FHIT: variants seen among roughly 807,000 people sequenced by gnomAD.
FHIT encodes bis(5'-adenosyl)-triphosphatase.
Under a neutral mutation model 17.9 loss-of-function variants are expected in FHIT, and 19 were observed. The ratio of observed to expected loss-of-function variants is 1.06; its 90% confidence interval spans 0.74 to 1.56. The LOEUF (loss-of-function observed/expected upper bound fraction) is 1.56, where lower values mean the gene tolerates loss of function less well. FHIT is among the 40% of genes most tolerant of loss of function. The pLI is 0.00. For synonymous variants in FHIT, 81 were observed against 69.7 expected (o/e 1.16, Z -0.81); for missense variants, 248 against 189.2 (o/e 1.31, Z -1.82).
intron 5 of FHIT, among the ~76,000 whole-genome samples, chr3:60,101,765 A>T (rs553418747): frequency 6.6e-6 from 1 of 152,296 alleles, no homozygotes; most frequent in South Asian, 2.1e-4. Flanking sequence ...ATCACATTCC[A>T]AGGTCTGTCA....
intron 8 of FHIT, among the ~76,000 whole-genome samples, chr3:59,869,708 C>T (rs149076105): frequency 0.012 from 1,858 of 151,136 alleles, 20 homozygotes; most frequent in Non-Finnish European, 0.017. Context: ...CCAGGATGGG[C>T]TCCTCCTGAC....
chr3:60,892,938 T>C (rs73097803), intron 3 of FHIT, among the ~76,000 whole-genome samples: 23,204 of 152,222 alleles, frequency 0.15, 2,326 homozygotes, highest in Middle Eastern at 0.25. Context: ...AATGTCTACT[T>C]TTATATTTAT....
chr3:59,929,349 G>A (rs565212852), intron 7 of FHIT, among the ~76,000 whole-genome samples: 36 of 138,494 alleles, frequency 2.6e-4, no homozygotes, highest in African/African-American at 7.5e-4. Context: ...AAATCTTCAC[G>A]TATTGTTTTT....
intron 5 of FHIT, among the ~76,000 whole-genome samples, chr3:60,167,238 T>C (rs1214987984): frequency 6.6e-6 from 1 of 152,218 alleles, no homozygotes; most frequent in Non-Finnish European, 1.5e-5. Flanking sequence ...TCACCATCAC[T>C]TTAAGCCTCA....
At chr3:60,063,735 G>C (rs1200991916) in intron 5 of FHIT, among the ~76,000 whole-genome samples, 2 of 152,170 alleles carry the variant, frequency 1.3e-5, no homozygotes, top group Non-Finnish European at 2.9e-5. Context: ...CTAAGAATTT[G>C]CCCTACAGAT....
At chr3:60,571,591 TGAA>T (rs1233833747) in intron 4 of FHIT, among the ~76,000 whole-genome samples, 2 of 151,954 alleles carry the variant, frequency 1.3e-5, no homozygotes, top group East Asian at 3.9e-4. Flanking sequence ...ATGTTCAAGA[TGAA>T]GAACAAAAGT....
chr3:60,183,180 T>C (rs747438864), intron 5 of FHIT, among the ~76,000 whole-genome samples: 6 of 152,030 alleles, frequency 3.9e-5, no homozygotes, highest in Non-Finnish European at 4.4e-5. Context: ...TGCACATCAC[T>C]TGAGGTCAGG....
intron 5 of FHIT, among the ~76,000 whole-genome samples, chr3:60,212,770 GA>G (rs1174903593): frequency 6.6e-6 from 1 of 152,126 alleles, no homozygotes; most frequent in Non-Finnish European, 1.5e-5. Context: ...CAGGATATGA[GA>G]AAAACAAGAT....
intron 3 of FHIT, among the ~76,000 whole-genome samples, chr3:60,890,815 T>C (rs1705477787): frequency 6.6e-6 from 1 of 152,192 alleles, no homozygotes. Flanking sequence ...GAGTTAGTTA[T>C]GTCTTAGGCT....
chr3:61,239,267 T>C (rs2106910943), intron 1 of FHIT, among the ~76,000 whole-genome samples: 1 of 152,336 alleles, frequency 6.6e-6, no homozygotes, highest in Non-Finnish European at 1.5e-5. Context: ...AGGCCCTGTA[T>C]GGCCTGGGCC....
At chr3:60,177,618 G>C (rs1393803231) in intron 5 of FHIT, among the ~76,000 whole-genome samples, 1 of 152,264 alleles carries the variant, frequency 6.6e-6, no homozygotes, top group Non-Finnish European at 1.5e-5. Context: ...GGCAGCTTTA[G>C]CACCATTGTT....
chr3:60,522,209 C>A (rs1209996446), intron 5 of FHIT, among the ~76,000 whole-genome samples: 1 of 146,784 alleles, frequency 6.8e-6, no homozygotes, highest in Non-Finnish European at 1.5e-5. Context: ...CCCCTGAGTT[C>A]AAGCAATTAT....
At chr3:60,465,497 T>C (rs997791820) in intron 5 of FHIT, among the ~76,000 whole-genome samples, 1 of 152,178 alleles carries the variant, frequency 6.6e-6, no homozygotes, top group Admixed American at 6.5e-5. Flanking sequence ...CCCCAGTGTC[T>C]TCTTGTAGAA....
At chr3:60,894,398 G>C (rs782620379) in intron 3 of FHIT, among the ~76,000 whole-genome samples, 2 of 152,066 alleles carry the variant, frequency 1.3e-5, no homozygotes, top group Non-Finnish European at 2.9e-5. Context: ...AACAATTATG[G>C]TACTTCCAGG....
intron 7 of FHIT, among the ~76,000 whole-genome samples, chr3:59,996,957 C>T (rs1004210301): frequency 6.6e-6 from 1 of 152,108 alleles, no homozygotes; most frequent in Admixed American, 6.6e-5. Context: ...CAAACAAGAT[C>T]CTTCTGACCA....
intron 5 of FHIT, among the ~76,000 whole-genome samples, chr3:60,301,469 C>T (rs75481023): frequency 0.019 from 2,930 of 152,228 alleles, 82 homozygotes; most frequent in African/African-American, 0.055. Context: ...ATGTGCTCAA[C>T]CCATACACAT....
intron 2 of FHIT, among the ~76,000 whole-genome samples, chr3:61,108,203 C>T: frequency 6.6e-6 from 1 of 152,204 alleles, no homozygotes; most frequent in Middle Eastern, 3.4e-3. Context: ...CATTATCACT[C>T]TAATTATTAA....
intron 4 of FHIT, among the ~76,000 whole-genome samples, chr3:60,737,086 C>T (rs9311778): frequency 0.025 from 3,776 of 152,214 alleles, 176 homozygotes; most frequent in African/African-American, 0.085. Flanking sequence ...AAAAGCTATT[C>T]GGAGATCTCT....
intron 5 of FHIT, among the ~76,000 whole-genome samples, chr3:60,099,798 TC>T (rs1018751984): frequency 1.3e-5 from 2 of 152,180 alleles, no homozygotes; most frequent in African/African-American, 4.8e-5. Context: ...GGGACACAGC[TC>T]CATCATATGT....
Sources: gnomAD v4.1 joint callset for allele counts (sites outside exome capture counted in the v4.1 genomes callset) on GRCh38, gnomAD v4.1.1 for gene constraint, MANE v1.5 for transcripts, NCBI Gene and HGNC (gene_info 2026-07-23, HGNC 2026-07-21) for gene names.